Variants in PRKCE observed in about 807,000 individuals in gnomAD.
The protein encoded by PRKCE is protein kinase C epsilon, also known as protein kinase C epsilon type.
PRKCE carries 16 observed loss-of-function variants against 85.4 expected under a neutral mutation model. That is an observed-to-expected ratio of 0.19 (90% CI 0.13 to 0.28). The LOEUF (loss-of-function observed/expected upper bound fraction) is 0.28. Ranked by LOEUF, PRKCE falls within the 10% of genes least tolerant of loss-of-function variation. The probability of loss-of-function intolerance (pLI) is 1.00; values close to 1 mark genes in which losing one functional copy is unlikely to be tolerated. For missense variants in PRKCE, 573 were observed against 975.2 expected, an observed-to-expected ratio of 0.59 and a Z score of 5.49; for synonymous variants, 388 against 371.5, an observed-to-expected ratio of 1.04 and a Z score of -0.51.
chr2:46,060,392 A>G (rs1666989445), intron 10 of PRKCE, among the ~76,000 whole-genome samples: 1 of 152,316 alleles, frequency 6.6e-6, no homozygotes, highest in Non-Finnish European at 1.5e-5. Context: ...TGGTTTTACA[A>G]TACCTTCGTG....
At chr2:45,985,296 G>T (rs1170004937) in intron 6 of PRKCE, among the ~76,000 whole-genome samples, 1 of 152,092 alleles carries the variant, frequency 6.6e-6, no homozygotes, top group Non-Finnish European at 1.5e-5. Context: ...GTTTCCTGCC[G>T]TGCCACCCGC....
intron 11 of PRKCE, among the ~76,000 whole-genome samples, chr2:46,113,873 C>T (rs1672498471): frequency 6.6e-6 from 1 of 152,168 alleles, no homozygotes; most frequent in South Asian, 2.1e-4. Context: ...TCGTCTCAGT[C>T]CTGGCTGTGG....
At chr2:45,984,420 G>C in intron 5 of PRKCE, 131 bp from the exon 6 acceptor site, 2 of 1,339,056 alleles carry the variant, frequency 1.5e-6, no homozygotes, top group South Asian at 1.4e-5. Flanking sequence ...GCAGCTTTTA[G>C]AGCCAAGCTA....
At chr2:45,936,805 C>G (rs1307653726) in intron 2 of PRKCE, among the ~76,000 whole-genome samples, 2 of 152,066 alleles carry the variant, frequency 1.3e-5, no homozygotes, top group Admixed American at 6.5e-5. Flanking sequence ...TAGGGAATGT[C>G]TCCTCCCGGC....
chr2:45,970,550 G>A (rs1332333312), intron 2 of PRKCE, among the ~76,000 whole-genome samples: 2 of 152,068 alleles, frequency 1.3e-5, no homozygotes, highest in Non-Finnish European at 2.9e-5. Context: ...TATGTATCTA[G>A]AACAGTAAAG....
At chr2:46,049,667 G>T (rs1302614803) in intron 10 of PRKCE, among the ~76,000 whole-genome samples, 1 of 152,118 alleles carries the variant, frequency 6.6e-6, no homozygotes, top group African/African-American at 2.4e-5. Flanking sequence ...ATTCATGAAG[G>T]TCACCAGAGG....
chr2:45,939,007 T>G (rs1480358148), intron 2 of PRKCE, among the ~76,000 whole-genome samples: 5 of 152,178 alleles, frequency 3.3e-5, no homozygotes, highest in Non-Finnish European at 7.3e-5. Context: ...CCACGCTGGC[T>G]CTGACCTCAT....
intron 1 of PRKCE, among the ~76,000 whole-genome samples, chr2:45,726,833 G>A (rs982126477): frequency 1.3e-5 from 2 of 152,114 alleles, no homozygotes; most frequent in South Asian, 4.1e-4. Flanking sequence ...GGGCTTGTAG[G>A]GTGGCTGTAG....
intron 11 of PRKCE, among the ~76,000 whole-genome samples, chr2:46,136,968 C>A (rs988017077): frequency 1.3e-5 from 2 of 152,162 alleles, no homozygotes; most frequent in African/African-American, 4.8e-5. Context: ...CATAAAAGAC[C>A]TTAAGTATTT....
chr2:46,159,535 C>T lies in PRKCE; in HGVS notation c.1921-71C>T. The T allele has an allele frequency of 6.8e-7, 1 of 1,471,364 alleles. No homozygotes were observed. The allele number at this position is 1,471,364 out of a possible 1,614,324, so 91.1% of individuals were successfully genotyped here. On this transcript the variant is annotated intron_variant, in intron 13 of 14. Coordinates refer to ENST00000306156, the MANE Select transcript of PRKCE (RefSeq NM_005400.3). This position sits in a 1 kb window ranked among gnomAD's most constrained non-coding sequence, Gnocchi z 4.1. ...CTGAAGATGCTGCTTTGGCTGACCT[C>T]CATCTGTCCCTTATAGCCTGTGCTG...
At chr2:45,832,243 C>A (rs1690487148) in intron 1 of PRKCE, among the ~76,000 whole-genome samples, 1 of 151,894 alleles carries the variant, frequency 6.6e-6, no homozygotes, top group African/African-American at 2.4e-5. Context: ...TTTAGTGTAC[C>A]TTACAACTAT....
intron 2 of PRKCE, among the ~76,000 whole-genome samples, chr2:45,919,054 C>T (rs1458922827): frequency 1.1e-4 from 17 of 152,118 alleles, no homozygotes; most frequent in Admixed American, 1.1e-3. Context: ...GAGGCCAGCC[C>T]ACGTGGGCTG....
chr2:46,139,713 TATATAC>T lies in PRKCE; in HGVS notation c.1593-5368_1593-5363del, dbSNP rs1195988661. 6.6e-6 allele frequency among the ~76,000 whole-genome samples: 1 copy of T among 151,406 alleles called. No individual in the cohort carries two copies. The highest frequency in any genetic ancestry group is 2.4e-5 in the African/African-American group (1 of 41,172). On this transcript the variant is annotated intron_variant, in intron 11 of 14. Coordinates refer to ENST00000306156, the MANE Select transcript of PRKCE (RefSeq NM_005400.3). This position sits in a 1 kb window ranked among gnomAD's most constrained non-coding sequence, Gnocchi z 5.2. ...ATATATGTGTGTGTATATATATACATATATACATATACATATATATCTAGAGAGAGA... is the reference window on the plus strand; with the variant it reads ...ATATATGTGTGTGTATATATATACATATATACATATATATCTAGAGAGAGA...
chr2:45,908,208 A>C (rs1697124455), intron 2 of PRKCE, among the ~76,000 whole-genome samples: 1 of 152,132 alleles, frequency 6.6e-6, no homozygotes. Context: ...TCCCAGTCTC[A>C]TCATTGGCCC....
At chr2:46,111,438 G>A (rs1672245134) in intron 11 of PRKCE, among the ~76,000 whole-genome samples, 1 of 152,132 alleles carries the variant, frequency 6.6e-6, no homozygotes, top group Admixed American at 6.5e-5. Flanking sequence ...ATCAACTTTA[G>A]AAAACTTTCG....
At chr2:45,780,898 G>T (rs1411230600) in intron 1 of PRKCE, among the ~76,000 whole-genome samples, 1 of 152,174 alleles carries the variant, frequency 6.6e-6, no homozygotes, top group Non-Finnish European at 1.5e-5. Context: ...CGTTGACACT[G>T]CTGAGCCACT....
intron 1 of PRKCE, among the ~76,000 whole-genome samples, chr2:45,708,699 G>A (rs72799096): frequency 5.3e-5 from 8 of 152,344 alleles, no homozygotes; most frequent in Non-Finnish European, 1.0e-4. Context: ...CACCAGGTAT[G>A]GCCAGGTGTG....
chr2:45,753,660 TA>T (rs977332343), intron 1 of PRKCE, among the ~76,000 whole-genome samples: 3 of 151,432 alleles, frequency 2.0e-5, no homozygotes, highest in South Asian at 2.1e-4. Flanking sequence ...CCTGGAGCTT[TA>T]AAAAAAAACC....
chr2:46,145,364 G>A lies in PRKCE; in HGVS notation c.1731+133G>A. On this transcript the variant is annotated intron_variant, in intron 12 of 14. Coordinates refer to ENST00000306156, the MANE Select transcript of PRKCE (RefSeq NM_005400.3). The surrounding 1 kb of genome is among the most constrained non-coding windows in gnomAD (Gnocchi z 4.6). ...ATCCAGGATGGATTCTAGGAAGGAGGGAGAAAAGGAAAGGAAAAAAGTTTG... is the reference window on the plus strand; with the variant it reads ...ATCCAGGATGGATTCTAGGAAGGAGAGAGAAAAGGAAAGGAAAAAAGTTTG... 2 of 1,268,680 alleles carry A rather than the reference G, an allele frequency of 1.6e-6. No individual in the cohort carries two copies. Among genetic ancestry groups the A allele is most frequent in the Non-Finnish European group, 2.2e-6 (2 of 920,682 alleles). The allele number at this position is 1,268,680 out of a possible 1,614,324, so 78.6% of individuals were successfully genotyped here.
Sources: gnomAD v4.1 joint callset for allele counts (sites outside exome capture counted in the v4.1 genomes callset) on GRCh38, gnomAD v4.1.1 for gene constraint, Gnocchi (gnomAD v3.1) non-coding constraint, MANE v1.5 for transcripts, NCBI Gene and HGNC (gene_info 2026-07-23, HGNC 2026-07-21) for gene names.